The following WWC2 variants were observed in gnomAD, a reference collection of about 807,000 sequenced individuals.
WWC2 encodes the protein WW and C2 domain containing 2.
A neutral mutation model predicts 138.5 loss-of-function variants in WWC2; 101 were observed. The ratio of observed to expected loss-of-function variants is 0.73; its 90% CI spans 0.62 to 0.86. The LOEUF (loss-of-function observed/expected upper bound fraction) is 0.86. WWC2 is among the 40% of genes least tolerant of loss of function. WWC2 has a pLI of 0.00. For synonymous variants in WWC2, 558 were observed against 538.4 expected (o/e 1.04, Z -0.50); for missense variants, 1,420 against 1,419.4 (o/e 1.00, Z -0.01).
At chr4:183,227,103 T>TAG (rs983180834) in intron 4 of WWC2, among the ~76,000 whole-genome samples, 1 of 148,134 alleles carries the variant, frequency 6.8e-6, no homozygotes, top group Non-Finnish European at 1.5e-5. Context: ...CCAACCACCC[T>TAG]AGCATACCTC....
intron 9 of WWC2, among the ~76,000 whole-genome samples, chr4:183,258,968 TA>T (rs1041582811): frequency 1.6e-5 from 1 of 62,880 alleles, no homozygotes; most frequent in African/African-American, 6.0e-5. Flanking sequence ...GCTGTACTCT[TA>T]AAAAAAAGAA....
chr4:183,113,195 C>A (rs1423568388), intron 1 of WWC2, among the ~76,000 whole-genome samples: 1 of 151,944 alleles, frequency 6.6e-6, no homozygotes, highest in African/African-American at 2.4e-5. Flanking sequence ...TCACTTGAAC[C>A]TGGAAGGCGG....
chr4:183,107,858 G>A (rs896879972), intron 1 of WWC2, among the ~76,000 whole-genome samples: 2 of 151,814 alleles, frequency 1.3e-5, no homozygotes, highest in Non-Finnish European at 2.9e-5. Flanking sequence ...CTACAATCTA[G>A]TGTGCATAAT....
chr4:183,207,963 G>A lies in WWC2; in HGVS notation c.252G>A (p.Gln84=). 1 of 1,608,776 alleles carries A rather than the reference G, an allele frequency of 6.2e-7. No individual in the cohort carries two copies. The highest frequency in any genetic ancestry group is 1.3e-5 in the African/African-American group (1 of 74,798). The change falls in exon 3 of 23, where the codon CAG becomes CAA. Residue 84 remains glutamine, a synonymous_variant. Transcript: ENST00000403733. ...YYIDHINKTT[Q]IEDPRKQWRG... is the part of the protein sequence containing the mutation. Reference sequence around the variant, plus strand: ...ACCTAATGTTTTCAGAAACCACGCAGATAGAAGATCCAAGAAAACAATGGA... The same window carrying A: ...ACCTAATGTTTTCAGAAACCACGCAAATAGAAGATCCAAGAAAACAATGGA...
Position 183,236,399 on chromosome 4 carries a change from T to C in WWC2, c.523-3784T>C, listed in dbSNP as rs145711867. The stretch of plus-strand genomic sequence containing the variant: ...GTGCCTTGTGGTCAGAACAAATTTA[T>C]AGACAGAAAACGTACAGTGATATAC... On this transcript the variant is annotated intron_variant, in intron 4 of 22. Coordinates refer to ENST00000403733, the MANE Select transcript of WWC2 (RefSeq NM_024949.6). Among the ~76,000 whole-genome samples the C allele has an allele frequency of 1.3e-3, 196 of 152,194 alleles. 1 individual carries two copies. Among genetic ancestry groups the C allele is most frequent in the African/African-American group, 4.6e-3 (189 of 41,530 alleles).
chr4:183,215,211 A>G (rs1176574513), intron 4 of WWC2, among the ~76,000 whole-genome samples: 1 of 152,250 alleles, frequency 6.6e-6, no homozygotes, highest in Non-Finnish European at 1.5e-5. Context: ...CAGTCATCGC[A>G]TTATACTTTA....
rs1451694864 is a variant in WWC2, at chr4:183,318,933, T to G, written c.*3204T>G. 6.6e-6 allele frequency: 1 copy of G among 152,316 alleles called. No homozygotes were observed. Among genetic ancestry groups the G allele is most frequent in the Non-Finnish European group, 1.5e-5 (1 of 68,152 alleles). The allele number at this position is 152,316 out of a possible 1,614,324, so 9.4% of individuals were successfully genotyped here. A position where few individuals can be genotyped will look rare whatever the true frequency, so the allele number is the denominator to read the frequency against. On this transcript the variant is annotated 3_prime_UTR_variant, in exon 23 of 23. Coordinates refer to ENST00000403733, the MANE Select transcript of WWC2 (RefSeq NM_024949.6). ...CAGAACACAGGATGCAGAAGCACGT[T>G]TGTGTGGCAGAGTCTACTTGAATCA...
At chr4:183,169,491 C>T (rs1326868223) in intron 1 of WWC2, among the ~76,000 whole-genome samples, 1 of 151,830 alleles carries the variant, frequency 6.6e-6, no homozygotes. Flanking sequence ...CCAAACTATT[C>T]TTGAACTCCT....
At chr4:183,259,515 G>A in intron 9 of WWC2, 124 bp from the exon 10 acceptor site, 1 of 735,858 alleles carries the variant, frequency 1.4e-6, no homozygotes, top group South Asian at 2.1e-5. Flanking sequence ...CCTGTTTTCT[G>A]TCTGTGGAGC....
chr4:183,107,305 G>T (rs1743398979), intron 1 of WWC2, among the ~76,000 whole-genome samples: 1 of 152,034 alleles, frequency 6.6e-6, no homozygotes, highest in Non-Finnish European at 1.5e-5. Flanking sequence ...GGGATTATAG[G>T]CACAAGCCAC....
chr4:183,260,105 C>T (rs140700726), intron 10 of WWC2, among the ~76,000 whole-genome samples: 7 of 152,244 alleles, frequency 4.6e-5, no homozygotes, highest in Non-Finnish European at 1.5e-5. Context: ...AAAGAGGAAA[C>T]GTGAGCGAAC....
rs949885049 is a variant in WWC2, at chr4:183,318,786, T to C, written c.*3057T>C. The C allele has an allele frequency of 5.3e-5, 8 of 152,192 alleles. No homozygotes were observed. The East Asian group carries it at 9.6e-4, about 18-fold the overall frequency. The allele number at this position is 152,192 out of a possible 1,614,324, so 9.4% of individuals were successfully genotyped here. A position where few individuals can be genotyped will look rare whatever the true frequency, so the allele number is the denominator to read the frequency against. ...GTGGTCGCTGCGCCTGGGCTGGCAG[T>C]GTGCTCCACAGAGAGGCAGCCGTCC... On this transcript the variant is annotated 3_prime_UTR_variant, in exon 23 of 23. Coordinates refer to ENST00000403733, the MANE Select transcript of WWC2 (RefSeq NM_024949.6).
rs979750892 is a variant in WWC2 at position 183,318,143 on chromosome 4, G to A, written c.*2414G>A. On this transcript the variant is annotated 3_prime_UTR_variant, in exon 23 of 23. Coordinates refer to ENST00000403733, the MANE Select transcript of WWC2 (RefSeq NM_024949.6). ...TTTATTCGCACAGGGTAAAAAGAAT[G>A]TAATATTTAGTTCTCAAGTTTGAAT... 6.6e-6 allele frequency: 1 copy of A among 152,328 alleles called. No individual in the cohort carries two copies. Among genetic ancestry groups the A allele is most frequent in the African/African-American group, 2.4e-5 (1 of 41,402 alleles). 9.4% of individuals were successfully genotyped at this position (152,328 alleles called of 1,614,324 possible). A position where few individuals can be genotyped will look rare whatever the true frequency, so the allele number is the denominator to read the frequency against.
chr4:183,310,575 A>G lies in WWC2; in HGVS notation c.3385-1766A>G, dbSNP rs2111118929. 3.3e-5 allele frequency among the ~76,000 whole-genome samples: 5 copies of G among 151,982 alleles called. 1 individual carries two copies. The Middle Eastern group carries it at 0.014, about 419-fold the overall frequency. ...TGTAGTGCAGCGGTGATCATAGCTC[A>G]CTGCAGCCTTAAACTCCCAGGCTCA... On this transcript the variant is annotated intron_variant, in intron 21 of 22. Coordinates refer to ENST00000403733, the MANE Select transcript of WWC2 (RefSeq NM_024949.6).
chr4:183,282,732 T>C lies in WWC2; in HGVS notation c.2709T>C (p.Ser903=). The part of the protein sequence containing the change: ...GDWLTMLREA[S]DEIVAEKEAE... ...GGCTAACAATGCTAAGAGAGGCCTC[T>C]GATGAAATTGTGGCTGAAAAAGAGG... is the stretch of plus-strand genomic sequence containing the variant. The change falls in exon 18 of 23, where the codon TCT becomes TCC. Residue 903 remains serine (S), a synonymous_variant. Transcript: ENST00000403733. The C allele has an allele frequency of 6.4e-7, 1 of 1,574,618 alleles. No individual in the cohort carries two copies. Among genetic ancestry groups the C allele is most frequent in the East Asian group, 2.3e-5 (1 of 43,166 alleles).
At chr4:183,116,148 T>C (rs1326759780) in intron 1 of WWC2, among the ~76,000 whole-genome samples, 1 of 152,192 alleles carries the variant, frequency 6.6e-6, no homozygotes, top group African/African-American at 2.4e-5. Flanking sequence ...CAGATGGTGG[T>C]AAGTGTGTGA....
At chr4:183,125,443 A>G (rs190559824) in intron 1 of WWC2, among the ~76,000 whole-genome samples, 4 of 152,344 alleles carry the variant, frequency 2.6e-5, no homozygotes, top group Admixed American at 1.3e-4. Context: ...CAAAAATGCT[A>G]TTTCTAGTGA....
intron 9 of WWC2, among the ~76,000 whole-genome samples, chr4:183,257,685 C>G (rs1737191305): frequency 6.6e-6 from 1 of 152,112 alleles, no homozygotes; most frequent in Non-Finnish European, 1.5e-5. Flanking sequence ...CTGAGGAAGA[C>G]TTCAGGCTTT....
chr4:183,246,335 C>T (rs373289991), intron 6 of WWC2, among the ~76,000 whole-genome samples: 46 of 151,850 alleles, frequency 3.0e-4, no homozygotes, highest in Non-Finnish European at 6.5e-4. Flanking sequence ...TAATTTAGTC[C>T]GCATCTATGG....
Sources: allele counts gnomAD v4.1 joint callset (sites outside exome capture counted in the v4.1 genomes callset), GRCh38; gene constraint gnomAD v4.1.1; transcripts MANE v1.5; gene names NCBI Gene and HGNC (gene_info 2026-07-23, HGNC 2026-07-21).